Variants in EIF4G3 observed in about 807,000 individuals in gnomAD.
The protein encoded by EIF4G3 is eIF-4-gamma 3.
In EIF4G3, 34 loss-of-function variants were observed where a neutral mutation model predicts 186.4. The ratio of observed to expected loss-of-function variants is 0.18; its 90% CI spans 0.14 to 0.24. The LOEUF is 0.24. EIF4G3 is among the 10% of genes least tolerant of loss of function. The pLI, the probability that EIF4G3 is intolerant of heterozygous loss-of-function variation, is 1.00. For synonymous variants in EIF4G3, 673 were observed against 679.5 expected, an observed-to-expected ratio of 0.99 and a Z score of 0.15; for missense variants, 1,536 against 1,948.5, an observed-to-expected ratio of 0.79 and a Z score of 3.99.
At chr1:21,071,558 G>C (rs1364611984) in intron 3 of EIF4G3, among the ~76,000 whole-genome samples, 2 of 152,166 alleles carry the variant, frequency 1.3e-5, no homozygotes, top group East Asian at 3.8e-4. Context: ...ACACGGCCGG[G>C]CACGGTGGCT....
At chr1:21,051,131 C>A in intron 3 of EIF4G3, 137 bp from the exon 4 acceptor site, 6 of 566,058 alleles carry the variant, frequency 1.1e-5, no homozygotes, top group South Asian at 4.6e-5. Flanking sequence ...TGAACAAACA[C>A]TTAAAATTTT....
chr1:21,080,320 A>C (rs1159291480), intron 3 of EIF4G3, among the ~76,000 whole-genome samples: 1 of 150,350 alleles, frequency 6.7e-6, no homozygotes, highest in Non-Finnish European at 1.5e-5. Flanking sequence ...TGTCTCAACA[A>C]AAAAAAAAGA....
At chr1:20,974,963 C>T (rs186099853) in intron 10 of EIF4G3, among the ~76,000 whole-genome samples, 4 of 152,142 alleles carry the variant, frequency 2.6e-5, no homozygotes, top group Admixed American at 2.6e-4. Context: ...GGCTGGCCCA[C>T]TTTCATTATC....
At chr1:21,107,029 A>AT (rs1453886520) in intron 2 of EIF4G3, among the ~76,000 whole-genome samples, 3 of 152,222 alleles carry the variant, frequency 2.0e-5, no homozygotes, top group Non-Finnish European at 4.4e-5. Flanking sequence ...TTCTTTCAGC[A>AT]TTTAAAACAA....
intron 3 of EIF4G3, among the ~76,000 whole-genome samples, chr1:21,052,280 A>G (rs1011911363): frequency 6.6e-6 from 1 of 152,140 alleles, no homozygotes; most frequent in Non-Finnish European, 1.5e-5. Context: ...CCTCTCATAC[A>G]CTAATGCAGA....
chr1:21,047,397 G>A (rs1479503045), intron 4 of EIF4G3, among the ~76,000 whole-genome samples: 1 of 152,100 alleles, frequency 6.6e-6, no homozygotes, highest in African/African-American at 2.4e-5. Context: ...GTAACTCTTA[G>A]GAGATTTAAC....
At chr1:20,931,862 T>C (rs1274569420) in intron 14 of EIF4G3, among the ~76,000 whole-genome samples, 2 of 151,418 alleles carry the variant, frequency 1.3e-5, no homozygotes, top group African/African-American at 4.9e-5. Context: ...GAGGCGGAGG[T>C]TGCAGTGAGC....
chr1:21,053,561 G>C (rs1273087587), intron 3 of EIF4G3, among the ~76,000 whole-genome samples: 1 of 141,772 alleles, frequency 7.1e-6, no homozygotes, highest in Non-Finnish European at 1.5e-5. Flanking sequence ...TCAGCCCCCC[G>C]CCCGGCCAGC....
rs146928399 is a variant in EIF4G3, at chr1:21,064,213, C to T, written c.-195-13219G>A. Among the ~76,000 whole-genome samples the T allele has an allele frequency of 9.9e-5, 15 of 152,104 alleles. No individual in the cohort carries two copies. In the South Asian group the frequency reaches 2.7e-3, roughly 27 times the overall value. The stretch of plus-strand genomic sequence containing the variant: ...ATCCTTTGTGCCCTGCAGCCAATGG[C>T]GAGGTTCATGCTATCCTTTGTGCCC... On this transcript the variant is annotated intron_variant, in intron 3 of 36. Coordinates refer to ENST00000602326, the MANE Select transcript of EIF4G3 (RefSeq NM_001391906.1).
chr1:20,961,276 G>C (rs181093784), intron 12 of EIF4G3, among the ~76,000 whole-genome samples: 1 of 151,990 alleles, frequency 6.6e-6, no homozygotes, highest in Non-Finnish European at 1.5e-5. Flanking sequence ...CCAGCTACTC[G>C]GGAGGCTGAG....
chr1:20,952,022 GGGAA>G (rs1487870928), intron 12 of EIF4G3, among the ~76,000 whole-genome samples: 1 of 152,132 alleles, frequency 6.6e-6, no homozygotes, highest in Admixed American at 6.5e-5. Context: ...CACAAATGCT[GGGAA>G]AGTACTTCTC....
intron 12 of EIF4G3, among the ~76,000 whole-genome samples, chr1:20,953,909 A>G (rs150248931): frequency 6.6e-5 from 10 of 152,346 alleles, no homozygotes; most frequent in Non-Finnish European, 1.3e-4. Context: ...GAAGAGACAC[A>G]CCCATCTATC....
chr1:20,931,378 T>C (rs1239939595), intron 14 of EIF4G3, among the ~76,000 whole-genome samples: 3 of 152,210 alleles, frequency 2.0e-5, no homozygotes, highest in African/African-American at 7.2e-5. Flanking sequence ...AGTAGGTCTC[T>C]ACAGTAGGCT....
At chr1:20,956,513 G>A (rs1026340407) in intron 12 of EIF4G3, among the ~76,000 whole-genome samples, 26 of 149,566 alleles carry the variant, frequency 1.7e-4, no homozygotes, top group African/African-American at 4.9e-4. Context: ...TGAGTCAAAT[G>A]GGACTTGCTG....
chr1:20,877,542 C>T (rs973390440), intron 20 of EIF4G3, among the ~76,000 whole-genome samples: 1 of 152,124 alleles, frequency 6.6e-6, no homozygotes, highest in Non-Finnish European at 1.5e-5. Context: ...TTAGTAGGTG[C>T]TGAATAGACT....
intron 2 of EIF4G3, among the ~76,000 whole-genome samples, chr1:21,116,987 T>C (rs1009538476): frequency 1.3e-5 from 2 of 152,290 alleles, no homozygotes; most frequent in African/African-American, 2.4e-5. Context: ...CTCTTGGGTA[T>C]TGCAAATTGG....
At chr1:20,884,044 A>C (rs1440328644) in intron 19 of EIF4G3, among the ~76,000 whole-genome samples, 1 of 152,236 alleles carries the variant, frequency 6.6e-6, no homozygotes, top group Non-Finnish European at 1.5e-5. Flanking sequence ...GGTCATCAAC[A>C]GTGGTCGTTC....
rs143305449 is a variant in EIF4G3, at chr1:20,909,639, C to T, written c.1664-4668G>A. On this transcript the variant is annotated intron_variant, in intron 14 of 36. Coordinates refer to ENST00000602326, the MANE Select transcript of EIF4G3 (RefSeq NM_001391906.1). Reference sequence around the variant, plus strand: ...GGCACATCACCTATTTAGTTTTATACTGTTTTTTTTGTTTGTTTGTTTTTG... The same window carrying T: ...GGCACATCACCTATTTAGTTTTATATTGTTTTTTTTGTTTGTTTGTTTTTG... 5.2e-3 allele frequency among the ~76,000 whole-genome samples: 790 copies of T among 152,026 alleles called. 7 individuals are homozygous for T. The highest frequency in any genetic ancestry group is 0.018 in the African/African-American group (759 of 41,470).
At chr1:20,886,762 A>G (rs1226233722) in intron 18 of EIF4G3, among the ~76,000 whole-genome samples, 3 of 152,218 alleles carry the variant, frequency 2.0e-5, no homozygotes, top group South Asian at 2.1e-4. Flanking sequence ...GGTTTCTACA[A>G]TCCCAGGGTA....
Sources: gnomAD v4.1 joint callset for allele counts (sites outside exome capture counted in the v4.1 genomes callset) on GRCh38, gnomAD v4.1.1 for gene constraint, MANE v1.5 for transcripts, NCBI Gene and HGNC (gene_info 2026-07-23, HGNC 2026-07-21) for gene names.